Variants in TRPM5 observed in about 807,000 individuals in gnomAD.
The protein encoded by TRPM5 is transient receptor potential cation channel subfamily M member 5, also known as MLSN1 and TRP-related.
In TRPM5, 121 loss-of-function variants were observed where a neutral mutation model predicts 124.9. That is an observed-to-expected ratio of 0.97 (90% CI 0.84 to 1.13). TRPM5 has a LOEUF of 1.13. Among genes scored for constraint, TRPM5 ranks in the 50% most tolerant of loss-of-function variants. The pLI, the probability that TRPM5 is intolerant of heterozygous loss-of-function variation, is 0.00. For missense variants in TRPM5, 1,643 were observed against 1,589.1 expected (o/e 1.03, Z -0.58); for synonymous variants, 781 against 700.5 (o/e 1.11, Z -1.81).
At chr11:2,431,845 T>C in the TRPM5 span, among the ~76,000 whole-genome samples, 1 of 152,198 alleles carries the variant, frequency 6.6e-6, no homozygotes, top group African/African-American at 2.4e-5. Flanking sequence ...GAAAGGTCTT[T>C]CATTTACTTT....
the TRPM5 span, among the ~76,000 whole-genome samples, chr11:2,431,263 C>A: frequency 2.9e-4 from 44 of 152,030 alleles, no homozygotes; most frequent in Admixed American, 1.3e-4. Flanking sequence ...GGCCTGAGAC[C>A]CTAAAATCCT....
rs747032714 is a variant in TRPM5, at chr11:2,412,824, T to TG, written c.2284dup (p.Gln762ProfsTer50). ...GGTGACCTCGGGCCCTGAGGGGCCC[T>TG]GGGGGGGCGGCCTGAAGTCCACCAG... On this transcript the variant is annotated frameshift_variant, in exon 15 of 24. Transcript: ENST00000155858. LOFTEE classifies it high-confidence loss of function. 4.0e-4 allele frequency: 646 copies of TG among 1,604,182 alleles called. 2 individuals carry two copies. Among genetic ancestry groups the TG allele is most frequent in the Non-Finnish European group, 4.6e-4 (537 of 1,175,928 alleles).
exon 3 of TRPM5, chr11:2,421,146 C>G (rs1448969241): frequency 6.5e-7 from 1 of 1,542,284 alleles, no homozygotes; most frequent in Non-Finnish European, 8.7e-7. Context: ...GCACGGCCTG[C>G]CCGACATGCC....
chr11:2,417,462 C>T (rs573238056), intron 7 of TRPM5, among the ~76,000 whole-genome samples: 103 of 152,176 alleles, frequency 6.8e-4, no homozygotes, highest in African/African-American at 2.2e-3. Flanking sequence ...CTCAAAAAAC[C>T]GAAAACCAAA....
intron 19 of TRPM5, 64 bp from the exon 25 acceptor site, chr11:2,407,364 C>T: frequency 6.7e-7 from 1 of 1,483,342 alleles, no homozygotes; most frequent in Non-Finnish European, 9.1e-7. Context: ...GACGCATCCC[C>T]CTGCACCCTG....
chr11:2,417,100 A>C (rs1477969038), intron 7 of TRPM5, among the ~76,000 whole-genome samples: 1 of 152,152 alleles, frequency 6.6e-6, no homozygotes, highest in African/African-American at 2.4e-5. Flanking sequence ...TTCTGGGGCG[A>C]TGAAGGCTTC....
upstream of TRPM5, among the ~76,000 whole-genome samples, chr11:2,427,400 T>C (rs1589878632): frequency 6.6e-6 from 1 of 152,186 alleles, no homozygotes; most frequent in Non-Finnish European, 1.5e-5. Flanking sequence ...CCTTGCAGGG[T>C]GTGCCTGTGG....
chr11:2,405,468 G>A, intron 23 of TRPM5, 59 bp downstream of exon 28: 3 of 1,508,834 alleles, frequency 2.0e-6, no homozygotes, highest in Non-Finnish European at 2.7e-6. Flanking sequence ...CGGCCCCCCA[G>A]CCGCTGCAGA....
chr11:2,435,173 G>A, the TRPM5 span, among the ~76,000 whole-genome samples: 1 of 152,104 alleles, frequency 6.6e-6, no homozygotes, highest in Non-Finnish European at 1.5e-5. The surrounding 1 kb of genome is among the most constrained non-coding windows in gnomAD (Gnocchi z 4.1). Flanking sequence ...ACAAGCAAGG[G>A]GATACGTGAG....
chr11:2,428,058 G>A, the TRPM5 span, among the ~76,000 whole-genome samples: 2 of 152,320 alleles, frequency 1.3e-5, no homozygotes, highest in South Asian at 2.1e-4. This position sits in a 1 kb window ranked among gnomAD's most constrained non-coding sequence, Gnocchi z 4.0. Flanking sequence ...GTCAGGACAG[G>A]GTGCCAGTGG....
chr11:2,426,130 A>G (rs761102691), upstream of TRPM5, among the ~76,000 whole-genome samples: 7 of 152,166 alleles, frequency 4.6e-5, no homozygotes, highest in Middle Eastern at 6.8e-3. Context: ...AGCAGCCACA[A>G]CCAAAGCTCT....
At chr11:2,421,948 T>A (rs1845777097) in intron 2 of TRPM5, among the ~76,000 whole-genome samples, 193 bp downstream of exon 7, 1 of 143,752 alleles carries the variant, frequency 7.0e-6, no homozygotes, top group Non-Finnish European at 1.5e-5. Context: ...AATGTTCTCG[T>A]GATGGCCTGG....
intron 9 of TRPM5, 21 bp downstream of exon 14, chr11:2,415,100 C>T: frequency 6.4e-7 from 1 of 1,574,794 alleles, no homozygotes; most frequent in South Asian, 1.1e-5. Flanking sequence ...CGCCCTCCAT[C>T]CCCACGGAGC....
rs1269402090 is a variant in TRPM5 at position 2,421,021 on chromosome 11, T to A, written c.465+11A>T. On this transcript the variant is annotated intron_variant, in intron 3 of 23. Coordinates refer to ENST00000155858, the Ensembl canonical transcript of TRPM5. ...CCCCAGCGGTCGTGGTGCTGGGAGC[T>A]GGACGTGCACCTGGGCCTCCTCCAG... 1 of 1,534,656 alleles carries A rather than the reference T, an allele frequency of 6.5e-7. No homozygotes were observed. The highest frequency in any genetic ancestry group is 8.7e-7 in the Non-Finnish European group (1 of 1,143,728).
At chr11:2,405,980 C>G (rs763587136) in intron 22 of TRPM5, 39 bp downstream of exon 27, 1 of 1,579,750 alleles carries the variant, frequency 6.3e-7, no homozygotes, top group Non-Finnish European at 8.7e-7. Flanking sequence ...CGCAGCCACC[C>G]GCCTCCCATC....
downstream of TRPM5, among the ~76,000 whole-genome samples, chr11:2,404,062 G>T (rs1850262813): frequency 6.6e-6 from 1 of 152,218 alleles, no homozygotes; most frequent in African/African-American, 2.4e-5. Flanking sequence ...TGGCTCAGTG[G>T]CAGGTGTCCA....
intron 4 of TRPM5, 114 bp from the exon 10 acceptor site, chr11:2,418,705 G>T: frequency 9.1e-7 from 1 of 1,103,464 alleles, no homozygotes; most frequent in Non-Finnish European, 1.3e-6. Context: ...TCCGAATAAA[G>T]TGTGGGCTTC....
In TRPM5 at chr11:2,419,448, GAAAAAA is replaced by G. The variant is rs57385993; in HGVS notation, c.649+768_649+773del. Among the ~76,000 whole-genome samples, 1,284 of 137,414 alleles carry G rather than the reference GAAAAAA, an allele frequency of 9.3e-3. 21 individuals carry two copies. Among genetic ancestry groups the G allele is most frequent in the African/African-American group, 0.032 (1,198 of 37,226 alleles). 90.1% of individuals were successfully genotyped at this position (137,414 alleles called of 152,430 possible). ...CATGGTGCAACCCCGTCTCTACTGG[GAAAAAA>G]AAAAAAAAAAAAAGAGCCGGGCATG... On this transcript the variant is annotated intron_variant, in intron 4 of 23. Transcript: ENST00000155858.
At chr11:2,405,441 G>T in intron 23 of TRPM5, 86 bp downstream of exon 28, 1 of 1,377,220 alleles carries the variant, frequency 7.3e-7, no homozygotes, top group Non-Finnish European at 1.0e-6. Context: ...GGAAGGCAGA[G>T]CACACAGCAC....
Sources: allele counts gnomAD v4.1 joint callset (sites outside exome capture counted in the v4.1 genomes callset), GRCh38; gene constraint gnomAD v4.1.1; non-coding constraint Gnocchi (gnomAD v3.1); transcripts MANE v1.5; gene names NCBI Gene and HGNC (gene_info 2026-07-23, HGNC 2026-07-21).